SLC24A3: variants seen among roughly 807,000 people sequenced by gnomAD.
SLC24A3 encodes solute carrier family 24 member 3, also known as sodium/potassium/calcium exchanger 3.
Under a neutral mutation model 75.8 loss-of-function variants are expected in SLC24A3, and 28 were observed. That is an observed-to-expected ratio of 0.37 (90% confidence interval 0.27 to 0.51). SLC24A3 has a LOEUF of 0.51. SLC24A3 is among the 20% of genes least tolerant of loss of function. The pLI is 0.94. For synonymous variants in SLC24A3, 372 were observed against 334.1 expected, an observed-to-expected ratio of 1.11 and a Z score of -1.24; for missense variants, 663 against 847.8, an observed-to-expected ratio of 0.78 and a Z score of 2.71.
At chr20:19,566,034 CATTCATTCATTCGTTT>C (rs1456432634) in intron 3 of SLC24A3, among the ~76,000 whole-genome samples, 1 of 152,208 alleles carries the variant, frequency 6.6e-6, no homozygotes, top group African/African-American at 2.4e-5. Flanking sequence ...AAAGCTCATT[CATTCATTCATTCGTTT>C]ATTCATTCAA....
intron 15 of SLC24A3, 141 bp downstream of exon 15, chr20:19,698,821 C>T (rs1478817518): frequency 8.7e-6 from 6 of 691,552 alleles, no homozygotes; most frequent in Admixed American, 5.0e-5. Context: ...TTCTCCTTGT[C>T]AAAGGCCTTA....
At chr20:19,551,876 T>C (rs538206285) in intron 3 of SLC24A3, among the ~76,000 whole-genome samples, 2 of 152,288 alleles carry the variant, frequency 1.3e-5, no homozygotes, top group East Asian at 1.9e-4. Context: ...TGATCTATCA[T>C]TGGGGCTCAA....
At position 19,567,967 on chromosome 20, in the gene SLC24A3, G is replaced by A. The variant is rs149776130; in HGVS notation, c.349-12033G>A. Among the ~76,000 whole-genome samples, 444 of 152,078 alleles carry A rather than the reference G, an allele frequency of 2.9e-3. 2 individuals are homozygous for A. The highest frequency in any genetic ancestry group is 6.3e-3 in the African/African-American group (263 of 41,428). On this transcript the variant is annotated intron_variant, in intron 3 of 16. Transcript: ENST00000328041. ...AACAAACAGCTTGATTTCAAAATGG[G>A]CGAAGGACTTGAATAGACTTTTCTG...
intron 3 of SLC24A3, among the ~76,000 whole-genome samples, chr20:19,557,146 C>A (rs545984231): frequency 6.6e-6 from 1 of 152,260 alleles, no homozygotes; most frequent in South Asian, 2.1e-4. Context: ...CATCTTGGTT[C>A]TTTTGTCCTA....
chr20:19,415,296 C>G (rs541546647), intron 2 of SLC24A3, among the ~76,000 whole-genome samples: 2 of 152,332 alleles, frequency 1.3e-5, no homozygotes, highest in East Asian at 3.9e-4. Flanking sequence ...AGGGCTGCAC[C>G]TTTTCATGCC....
intron 6 of SLC24A3, among the ~76,000 whole-genome samples, chr20:19,630,850 A>T (rs2031924650): frequency 6.6e-6 from 1 of 152,182 alleles, no homozygotes; most frequent in Non-Finnish European, 1.5e-5. Context: ...GCAAGGAGGG[A>T]TGGGTTTCAA....
chr20:19,548,112 C>G (rs3827991), intron 3 of SLC24A3, among the ~76,000 whole-genome samples: 127,548 of 152,222 alleles, frequency 0.84, 53,673 homozygotes, highest in Middle Eastern at 0.88. Flanking sequence ...GGCCTGGTAT[C>G]AAAAGGGGCT....
At chr20:19,666,993 G>C (rs1241781994) in intron 8 of SLC24A3, among the ~76,000 whole-genome samples, 1 of 152,180 alleles carries the variant, frequency 6.6e-6, no homozygotes, top group African/African-American at 2.4e-5. Context: ...TTAGGAATAG[G>C]CGTAGGTAGA....
chr20:19,717,449 G>A (rs1404993686), intron 15 of SLC24A3, 79 bp from the exon 16 acceptor site: 4 of 1,448,846 alleles, frequency 2.8e-6, no homozygotes, highest in Non-Finnish European at 3.9e-6. Flanking sequence ...GAGTTGCGTA[G>A]GCAGATGCCT....
chr20:19,401,067 A>C (rs1168528270), intron 2 of SLC24A3, among the ~76,000 whole-genome samples: 1 of 152,174 alleles, frequency 6.6e-6, no homozygotes, highest in Non-Finnish European at 1.5e-5. Context: ...TGCTTAGAGC[A>C]TGCCTGGCAT....
At chr20:19,398,904 C>T (rs1986502482) in intron 2 of SLC24A3, among the ~76,000 whole-genome samples, 2 of 152,142 alleles carry the variant, frequency 1.3e-5, no homozygotes, top group South Asian at 4.1e-4. Flanking sequence ...GTTGGTAGAA[C>T]TTACCAGTGA....
At chr20:19,581,187 G>A (rs34522848) in intron 4 of SLC24A3, among the ~76,000 whole-genome samples, 4,436 of 152,302 alleles carry the variant, frequency 0.029, 105 homozygotes, top group Non-Finnish European at 0.047. Context: ...CAGTGGGCAG[G>A]TGTGGAAGCC....
At chr20:19,592,607 A>G (rs1301803813) in intron 6 of SLC24A3, among the ~76,000 whole-genome samples, 1 of 152,118 alleles carries the variant, frequency 6.6e-6, no homozygotes, top group Non-Finnish European at 1.5e-5. Context: ...TGAAGAGAAA[A>G]GCAGGAACCT....
At chr20:19,316,190 C>T (rs1984581834) in intron 2 of SLC24A3, among the ~76,000 whole-genome samples, 1 of 152,198 alleles carries the variant, frequency 6.6e-6, no homozygotes, top group Non-Finnish European at 1.5e-5. Flanking sequence ...TTTCTACCGT[C>T]ACAAAGTGGA....
chr20:19,428,888 T>C (rs1168610563), intron 2 of SLC24A3, among the ~76,000 whole-genome samples: 1 of 152,240 alleles, frequency 6.6e-6, no homozygotes, highest in Non-Finnish European at 1.5e-5. Flanking sequence ...TCAGTATCGA[T>C]ATCCTTACTT....
At chr20:19,606,831 A>AT (rs2031603892) in intron 6 of SLC24A3, among the ~76,000 whole-genome samples, 2 of 152,200 alleles carry the variant, frequency 1.3e-5, no homozygotes, top group Non-Finnish European at 2.9e-5. Context: ...GTGCAAGTCC[A>AT]CACAGTGAAG....
chr20:19,267,579 CTT>C (rs1369669859), intron 1 of SLC24A3, among the ~76,000 whole-genome samples: 3 of 152,074 alleles, frequency 2.0e-5, no homozygotes, highest in South Asian at 2.1e-4. Flanking sequence ...CATTGAAACT[CTT>C]TGGGAATTTT....
intron 2 of SLC24A3, among the ~76,000 whole-genome samples, chr20:19,505,512 T>C (rs1988449128): frequency 6.6e-6 from 1 of 152,114 alleles, no homozygotes; most frequent in Non-Finnish European, 1.5e-5. Flanking sequence ...CAAGTACAAG[T>C]TGTTTGTTTC....
chr20:19,339,098 T>C (rs1985205011), intron 2 of SLC24A3, among the ~76,000 whole-genome samples: 1 of 105,556 alleles, frequency 9.5e-6, no homozygotes, highest in African/African-American at 3.6e-5. Flanking sequence ...TGGAGAAGCA[T>C]TCTTGGACAC....
Sources: allele counts gnomAD v4.1 joint callset (sites outside exome capture counted in the v4.1 genomes callset), GRCh38; gene constraint gnomAD v4.1.1; transcripts MANE v1.5; gene names NCBI Gene and HGNC (gene_info 2026-07-23, HGNC 2026-07-21).